The following DRC7 variants were observed in gnomAD, a reference collection of about 807,000 sequenced individuals.
The protein encoded by DRC7 is dynein regulatory complex subunit 7, also known as coiled-coil domain containing 135.
A neutral mutation model predicts 104.4 loss-of-function variants in DRC7; 80 were observed. That is an observed-to-expected ratio of 0.77 (90% CI 0.64 to 0.92). The LOEUF (loss-of-function observed/expected upper bound fraction) is 0.92. Among genes scored for constraint, DRC7 ranks in the 40% least tolerant of loss-of-function variants. DRC7 has a pLI of 0.00. For synonymous variants in DRC7, 405 were observed against 447.3 expected (o/e 0.91, Z 1.19); for missense variants, 1,034 against 1,141.1 (o/e 0.91, Z 1.35).
rs570102193 is a variant in DRC7, at chr16:57,709,977, T to C, written c.1077+2299T>C. Among the ~76,000 whole-genome samples the C allele has an allele frequency of 3.4e-4, 52 of 152,282 alleles. No homozygotes were observed. The South Asian group carries it at 8.7e-3, about 25-fold the overall frequency. Reference sequence around the variant, plus strand: ...TAGAGACAAAAAATGGGTTTTGCAATGTTGCCCAGGTTGGTCTCAAGCAAG... The same window carrying C: ...TAGAGACAAAAAATGGGTTTTGCAACGTTGCCCAGGTTGGTCTCAAGCAAG... On this transcript the variant is annotated intron_variant, in intron 8 of 18. Coordinates refer to ENST00000360716, the MANE Select transcript of DRC7 (RefSeq NM_001289162.2).
intron 7 of DRC7, among the ~76,000 whole-genome samples, chr16:57,705,794 CCATCCTCCCATTT>C (rs2048713655): frequency 2.9e-5 from 4 of 138,302 alleles, no homozygotes; most frequent in Admixed American, 8.5e-5. Flanking sequence ...TCCCATCCAT[CCATCCTCCCATTT>C]CTCCTCCCAT....
intron 6 of DRC7, among the ~76,000 whole-genome samples, chr16:57,704,230 G>A (rs568451353): frequency 1.3e-5 from 2 of 152,222 alleles, no homozygotes; most frequent in South Asian, 4.1e-4. Context: ...CACACAGCAG[G>A]AAAATGGAGA....
intron 7 of DRC7, among the ~76,000 whole-genome samples, chr16:57,706,134 T>TCCCATCCA (rs2048721414): frequency 8.0e-6 from 1 of 125,588 alleles, no homozygotes; most frequent in Non-Finnish European, 1.7e-5. Context: ...CCATCCATTC[T>TCCCATCCA]CCCATCTTCC....
chr16:57,696,713 C>T (rs1048896148), intron 2 of DRC7, 119 bp downstream of exon 2: 5 of 152,262 alleles, frequency 3.3e-5, no homozygotes, highest in African/African-American at 1.2e-4. Context: ...TGGGCCAACA[C>T]AGGCCTTGGC....
chr16:57,720,487 AGCCCTGCAGGCAGCCG>A (rs2048891153), intron 9 of DRC7, among the ~76,000 whole-genome samples: 1 of 152,244 alleles, frequency 6.6e-6, no homozygotes, highest in Non-Finnish European at 1.5e-5. Flanking sequence ...CTGAGAGCCC[AGCCCTGCAGGCAGCCG>A]GCTGAGCACC....
chr16:57,726,039 C>T (rs769212493), intron 13 of DRC7, 29 bp from the exon 14 acceptor site: 69 of 1,592,760 alleles, frequency 4.3e-5, no homozygotes, highest in Non-Finnish European at 5.7e-5. Context: ...TCATCCTTTG[C>T]TCATCCTTTG....
intron 7 of DRC7, among the ~76,000 whole-genome samples, chr16:57,705,626 T>C (rs1490840886): frequency 1.0e-4 from 13 of 125,502 alleles, no homozygotes; most frequent in South Asian, 3.0e-4. Flanking sequence ...CATCCATCCT[T>C]CCATCCATCC....
At chr16:57,709,106 G>A (rs1409459703) in intron 8 of DRC7, among the ~76,000 whole-genome samples, 1 of 148,272 alleles carries the variant, frequency 6.7e-6, no homozygotes, top group Non-Finnish European at 1.5e-5. Context: ...TCCAGCCTGG[G>A]CGACAAAGCA....
chr16:57,727,641 C>T (rs2048988234), intron 16 of DRC7, among the ~76,000 whole-genome samples: 1 of 152,224 alleles, frequency 6.6e-6, no homozygotes, highest in Admixed American at 6.5e-5. Context: ...CAAGCCAAGG[C>T]CTGTGGTTGG....
rs746550252 is a variant in DRC7, at chr16:57,698,131, T to C, written c.182T>C (p.Ile61Thr). ...GAGAAGAAGCTGTCAGAGATCCAGA[T>C]CACTGTCTCAGCGGAGCTCCCGTGA... ...DLEKKLSEIQITVSAELPAFT... is the reference protein window; with the variant it reads ...DLEKKLSEIQTTVSAELPAFT... The change falls in exon 3 of 19, where the codon ATC becomes ACC. Residue 61 changes from isoleucine (I) to threonine (T), a missense_variant. Ile to Thr is a moderately conservative substitution (Grantham distance 89). Transcript: ENST00000360716. 1.6e-5 allele frequency: 26 copies of C among 1,614,104 alleles called. No individual in the cohort carries two copies. The East Asian group carries it at 5.8e-4, about 36-fold the overall frequency.
chr16:57,712,854 C>T (rs898851681), intron 8 of DRC7, among the ~76,000 whole-genome samples: 6 of 152,036 alleles, frequency 3.9e-5, no homozygotes, highest in Non-Finnish European at 7.4e-5. Context: ...CTAACATAAG[C>T]CTTCTTTCTC....
intron 7 of DRC7, 91 bp from the exon 8 acceptor site, chr16:57,707,369 C>G (rs2048742620): frequency 1.6e-6 from 2 of 1,224,034 alleles, no homozygotes; most frequent in Non-Finnish European, 2.3e-6. Context: ...CTCAGCTCTC[C>G]TGCTGGTTCC....
Position 57,724,777 on chromosome 16 carries a change from G to T in DRC7, c.1700G>T (p.Gly567Val), listed in dbSNP as rs1421161189. The change falls in exon 13 of 19, where the codon GGA (glycine) becomes GTA (valine). Residue 567 changes from glycine to valine, a missense_variant. Coordinates refer to ENST00000360716, the MANE Select transcript of DRC7 (RefSeq NM_001289162.2). The part of the protein sequence containing the change: ...DFLSYRHASF[G>V]PRVKKLTLSS... ...CTCTCCTACCGCCATGCCAGCTTCG[G>T]ACCCCGAGTCAAGAAGCTCACTCTG... is the stretch of plus-strand genomic sequence containing the variant. The T allele has an allele frequency of 1.9e-6, 3 of 1,613,672 alleles. No homozygotes were observed. The African/African-American group carries it at 4.0e-5, about 22-fold the overall frequency.
chr16:57,700,175 C>G lies in DRC7; in HGVS notation c.409C>G (p.Leu137Val). Residue 137 changes from leucine to valine, a missense_variant, in exon 5 of 19, where the codon CTG (leucine) becomes GTG (valine). Coordinates refer to ENST00000360716, the MANE Select transcript of DRC7 (RefSeq NM_001289162.2). Reference protein sequence around the residue: ...KFVSTTLRPTLMPYPELYNWD... With the variant: ...KFVSTTLRPTVMPYPELYNWD... ...CGTGAGCACAACCCTCCGGCCCACA[C>G]TGATGCCCTACCCCGAGCTCTACAA... is the stretch of plus-strand genomic sequence containing the variant. 1 of 1,613,460 alleles carries G rather than the reference C, an allele frequency of 6.2e-7. No individual in the cohort carries two copies. The highest frequency in any genetic ancestry group is 8.5e-7 in the Non-Finnish European group (1 of 1,179,812).
intron 2 of DRC7, among the ~76,000 whole-genome samples, chr16:57,697,625 G>A (rs1199205184): frequency 1.3e-5 from 2 of 152,078 alleles, no homozygotes; most frequent in African/African-American, 2.4e-5. Context: ...AAAGCAAATC[G>A]ACACGTGCCT....
chr16:57,709,141 A>G (rs1179626550), intron 8 of DRC7, among the ~76,000 whole-genome samples: 3 of 151,908 alleles, frequency 2.0e-5, no homozygotes, highest in African/African-American at 7.3e-5. Flanking sequence ...AAAAAAAAAA[A>G]AAAAGCAATT....
At chr16:57,721,971 C>A (rs1210466485) in intron 10 of DRC7, among the ~76,000 whole-genome samples, 2 of 149,862 alleles carry the variant, frequency 1.3e-5, no homozygotes, top group Non-Finnish European at 3.0e-5. Context: ...CGATGCAGTT[C>A]AGTGAGCATG....
intron 3 of DRC7, among the ~76,000 whole-genome samples, chr16:57,698,518 C>CCT (rs11076200): frequency 3.8e-4 from 57 of 151,874 alleles, no homozygotes; most frequent in Middle Eastern, 3.4e-3. Flanking sequence ...AAGACCCCCC[C>CCT]ACCCATGTCT....
intron 3 of DRC7, among the ~76,000 whole-genome samples, chr16:57,698,621 T>C (rs1237014049): frequency 6.6e-6 from 1 of 152,080 alleles, no homozygotes; most frequent in Non-Finnish European, 1.5e-5. Flanking sequence ...GCCCAGGAGT[T>C]CAAGGCTGCA....
Sources: allele counts gnomAD v4.1 joint callset (sites outside exome capture counted in the v4.1 genomes callset), GRCh38; gene constraint gnomAD v4.1.1; transcripts MANE v1.5; gene names NCBI Gene and HGNC (gene_info 2026-07-23, HGNC 2026-07-21).